Variants in ACAP1 observed in about 807,000 individuals in gnomAD.
ACAP1 encodes arf-GAP with coiled-coil, ANK repeat and PH domain-containing protein 1.
A neutral mutation model predicts 98.8 loss-of-function variants in ACAP1; 45 were observed. The observed-to-expected ratio is 0.46, with a 90% CI of 0.36 to 0.58. The LOEUF is 0.58. Among genes scored for constraint, ACAP1 ranks in the 20% least tolerant of loss-of-function variants. ACAP1 has a pLI of 0.00. For missense variants in ACAP1, 735 were observed against 971.4 expected (o/e 0.76, Z 3.24); for synonymous variants, 362 against 375.3 (o/e 0.96, Z 0.41).
At position 7,351,005 on chromosome 17, in the gene ACAP1, G is replaced by T. The variant is rs554041157; in HGVS notation, c.2122+6G>T. ...AGCGGCCCAGGGGCAGGCAGGTAAA[G>T]AATACACCCACCCCACCCCCCAGGC... is the stretch of plus-strand genomic sequence containing the variant. On this transcript the variant is annotated splice_donor_region_variant and intron_variant, in intron 21 of 21. Coordinates refer to ENST00000158762, the MANE Select transcript of ACAP1 (RefSeq NM_014716.4). The T allele has an allele frequency of 1.9e-6, 3 of 1,613,958 alleles. No homozygotes were observed. Among genetic ancestry groups the T allele is most frequent in the African/African-American group, 2.7e-5 (2 of 74,936 alleles).
chr17:7,339,875 T>G (rs1331342138), intron 2 of ACAP1, among the ~76,000 whole-genome samples: 1 of 152,088 alleles, frequency 6.6e-6, no homozygotes, highest in Non-Finnish European at 1.5e-5. Context: ...GTTCTCCATC[T>G]CTCTACTTTT....
intron 2 of ACAP1, among the ~76,000 whole-genome samples, chr17:7,338,666 A>T (rs901562187): frequency 1.1e-4 from 17 of 151,976 alleles, no homozygotes; most frequent in African/African-American, 4.1e-4. Context: ...CAACCTCCCC[A>T]GTAGCTGTGC....
chr17:7,337,296 A>AC lies in ACAP1; in HGVS notation c.54-11dup, dbSNP rs759422501. On this transcript the variant is annotated splice_polypyrimidine_tract_variant and intron_variant, in intron 1 of 21. Coordinates refer to ENST00000158762, the MANE Select transcript of ACAP1 (RefSeq NM_014716.4). ...GATGGACCCAAGCTCTCTTCCCATG[A>AC]CCCCCTCTTTCCCAGAGCCTCTATT... 2.5e-4 allele frequency: 408 copies of AC among 1,612,506 alleles called. 2 individuals are homozygous for AC. The African/African-American group carries it at 5.0e-3, about 20-fold the overall frequency.
chr17:7,344,651 G>A lies in ACAP1; in HGVS notation c.854+3G>A, dbSNP rs2073329676. On this transcript the variant is annotated splice_donor_region_variant and intron_variant, in intron 10 of 21. Coordinates refer to ENST00000158762, the MANE Select transcript of ACAP1 (RefSeq NM_014716.4). This position sits in a 1 kb window ranked among gnomAD's most constrained non-coding sequence, Gnocchi z 4.9. ...AACGCATTTAAGACCTGGAGCAGGT[G>A]AGGAGAGGACACCCCCAATCAGCCC... The A allele has an allele frequency of 3.2e-6, 5 of 1,549,648 alleles. No homozygotes were observed. The highest frequency in any genetic ancestry group is 4.4e-6 in the Non-Finnish European group (5 of 1,145,276).
chr17:7,337,185 G>T (rs867264926), intron 1 of ACAP1, 127 bp from the exon 2 acceptor site: 7 of 845,980 alleles, frequency 8.3e-6, no homozygotes, highest in South Asian at 3.0e-5. Flanking sequence ...GTAGGTGGGT[G>T]GGGGGCGAGC....
rs750887506 is a variant in ACAP1, at chr17:7,348,149, T to A, written c.1436T>A (p.Val479Asp). ...LVKLMCELGN[V>D]IINQIYEARV... ...AAGCTCATGTGTGAGCTGGGAAATG[T>A]CATCATCAACCAGATCTATGAGGCC... The change falls in exon 16 of 22, where the codon GTC (valine) becomes GAC (aspartate). Residue 479 changes from valine (V) to aspartate (D), a missense_variant. Around this residue, in one of 5 missense-constraint regions of ACAP1, gnomAD observed 81 missense variants for 132.0 expected, o/e 0.61. Transcript: ENST00000158762. The A allele has an allele frequency of 1.7e-5, 27 of 1,613,958 alleles. No homozygotes were observed. In the East Asian group the frequency reaches 5.6e-4, roughly 33 times the overall value.
At position 7,348,451 on chromosome 17, in the gene ACAP1, C is replaced by T. The variant is rs758036470; in HGVS notation, c.1654C>T (p.Pro552Ser). Reference sequence around the variant, plus strand: ...CCCAAAGCCTTCCATCAGGCCCCGGCCAGGGAGCTTGAGATCCAAGCCAGG... The same window carrying T: ...CCCAAAGCCTTCCATCAGGCCCCGGTCAGGGAGCTTGAGATCCAAGCCAGG... ...VPPKPSIRPRPGSLRSKPEPP... is the reference protein window; with the variant it reads ...VPPKPSIRPRSGSLRSKPEPP... Residue 552 changes from proline (P) to serine (S), a missense_variant, in exon 17 of 22, where the codon CCA becomes TCA. By Grantham distance (74) the Pro-to-Ser change is moderately conservative. Coordinates refer to ENST00000158762, the MANE Select transcript of ACAP1 (RefSeq NM_014716.4). The T allele has an allele frequency of 6.7e-6, 10 of 1,488,222 alleles. No individual in the cohort carries two copies. The highest frequency in any genetic ancestry group is 1.4e-5 in the South Asian group (1 of 71,548). The allele number at this position is 1,488,222 out of a possible 1,614,324, so 92.2% of individuals were successfully genotyped here.
intron 10 of ACAP1, chr17:7,345,967 T>C (rs2073341999): frequency 2.5e-6 from 1 of 400,962 alleles, no homozygotes; most frequent in Non-Finnish European, 4.6e-6. Context: ...TTTTTTAAAT[T>C]GTAGCAATAG....
In ACAP1 at chr17:7,349,930, G is replaced by A. The variant is rs758558565; in HGVS notation, c.1852-15G>A. 3.2e-6 allele frequency: 5 copies of A among 1,585,576 alleles called. No individual in the cohort carries two copies. In the Admixed American group the frequency reaches 5.4e-5, roughly 17 times the overall value. On this transcript the variant is annotated splice_polypyrimidine_tract_variant and intron_variant, in intron 18 of 21. Transcript: ENST00000158762. ...GATGCCACCCTCAACCCCCCTTCTC[G>A]ACTTCTCCATGCAGAATTCTCTTCT...
At chr17:7,349,521 G>T (rs547310894) in intron 18 of ACAP1, 1 of 258,168 alleles carries the variant, frequency 3.9e-6, no homozygotes, top group African/African-American at 2.2e-5. Context: ...GACTACAGGC[G>T]CCAGCCAGCA....
intron 12 of ACAP1, 114 bp downstream of exon 12, chr17:7,346,605 C>A (rs576196623): frequency 8.2e-6 from 10 of 1,215,270 alleles, no homozygotes; most frequent in Admixed American, 7.0e-5. Flanking sequence ...TAATTTAATT[C>A]TTTGGCGGCT....
chr17:7,340,396 T>C (rs1170724453), intron 2 of ACAP1, among the ~76,000 whole-genome samples: 3 of 152,252 alleles, frequency 2.0e-5, no homozygotes, highest in African/African-American at 7.2e-5. Flanking sequence ...AGTCTGTCAC[T>C]AGTCCAGTGT....
At chr17:7,347,306 A>G in intron 14 of ACAP1, 64 bp downstream of exon 14, 1 of 1,425,542 alleles carries the variant, frequency 7.0e-7, no homozygotes, top group Non-Finnish European at 9.6e-7. Flanking sequence ...TCCAATACAG[A>G]GCGCATCACA....
At chr17:7,347,598 C>T in intron 14 of ACAP1, 1 of 536,672 alleles carries the variant, frequency 1.9e-6, no homozygotes, top group Non-Finnish European at 3.3e-6. Flanking sequence ...CCCCCCACCT[C>T]AGTGTGGTGG....
rs539751398 is a variant in ACAP1 at position 7,350,274 on chromosome 17, C to T, written c.2072+37C>T. 1.9e-6 allele frequency: 3 copies of T among 1,559,176 alleles called. No individual in the cohort carries two copies. The South Asian group carries it at 3.3e-5, about 17-fold the overall frequency. ...TGAAGGGGCGGGGCTGGCGCTGGGA[C>T]TCCCCCCACCCCCGCCCACCCACGT... On this transcript the variant is annotated intron_variant, in intron 20 of 21. Transcript: ENST00000158762. This position sits in a 1 kb window ranked among gnomAD's most constrained non-coding sequence, Gnocchi z 4.6.
Position 7,350,278 on chromosome 17 carries a change from C to G in ACAP1, c.2072+41C>G, listed in dbSNP as rs375456493. 1 of 1,552,546 alleles carries G rather than the reference C, an allele frequency of 6.4e-7. No individual in the cohort carries two copies. Among genetic ancestry groups the G allele is most frequent in the Non-Finnish European group, 8.9e-7 (1 of 1,129,434 alleles). The stretch of plus-strand genomic sequence containing the variant: ...GGGGCGGGGCTGGCGCTGGGACTCC[C>G]CCCACCCCCGCCCACCCACGTTCGG... On this transcript the variant is annotated intron_variant, in intron 20 of 21. Transcript: ENST00000158762. The surrounding 1 kb of genome is among the most constrained non-coding windows in gnomAD (Gnocchi z 4.6).
At chr17:7,351,126 C>A in intron 21 of ACAP1, 127 bp downstream of exon 21, 1 of 1,145,308 alleles carries the variant, frequency 8.7e-7, no homozygotes, top group South Asian at 1.4e-5. Context: ...GTATTGGGCG[C>A]ATGCGACGTG....
rs988773015 is a variant in ACAP1, at chr17:7,342,110, G to A, written c.231+43G>A. ...ATCTGGGAGGGAAGGGGTCTGGGAT[G>A]AGGAGGTGATGCTGTGGAAGAGGAG... is the stretch of plus-strand genomic sequence containing the variant. On this transcript the variant is annotated intron_variant, in intron 3 of 21. Transcript: ENST00000158762. The A allele has an allele frequency of 6.8e-6, 11 of 1,610,962 alleles. No individual in the cohort carries two copies. The Admixed American group carries it at 8.3e-5, about 12-fold the overall frequency.
chr17:7,338,228 C>T (rs966854006), intron 2 of ACAP1, among the ~76,000 whole-genome samples: 2 of 152,032 alleles, frequency 1.3e-5, no homozygotes, highest in African/African-American at 4.8e-5. Flanking sequence ...ATGGTGAGAC[C>T]TCATCTCTAC....
Sources: gnomAD v4.1 joint callset for allele counts (sites outside exome capture counted in the v4.1 genomes callset) on GRCh38, gnomAD v4.1.1 for gene constraint, gnomAD v4.1.1 regional missense constraint, Gnocchi (gnomAD v3.1) non-coding constraint, MANE v1.5 for transcripts, NCBI Gene and HGNC (gene_info 2026-07-23, HGNC 2026-07-21) for gene names.